FBN2: variants seen among roughly 807,000 people sequenced by gnomAD.
The protein encoded by FBN2 is fibrillin 2.
FBN2 carries 105 observed loss-of-function variants against 355.6 expected under a neutral mutation model. The observed-to-expected ratio is 0.30, with a 90% confidence interval of 0.25 to 0.35. FBN2 has a LOEUF of 0.35. Ranked by LOEUF, FBN2 falls within the 10% of genes least tolerant of loss-of-function variation. FBN2 has a pLI of 1.00. For missense variants in FBN2, 3,280 were observed against 3,758.7 expected (o/e 0.87, Z 3.33); for synonymous variants, 1,350 against 1,301.2 (o/e 1.04, Z -0.81).
At chr5:128,293,923 G>C (rs1003627253) in intron 48 of FBN2, among the ~76,000 whole-genome samples, 3 of 151,742 alleles carry the variant, frequency 2.0e-5, no homozygotes, top group Non-Finnish European at 4.4e-5. Flanking sequence ...TGCCATGCTG[G>C]TGTGCTGCAC....
chr5:128,349,283 C>T, intron 23 of FBN2, 64 bp downstream of exon 23: 4 of 1,604,710 alleles, frequency 2.5e-6, no homozygotes, highest in Non-Finnish European at 2.6e-6. Flanking sequence ...GGACTAGCCA[C>T]TGCTTAAACA....
Position 128,519,298 on chromosome 5 carries a change from C to T in FBN2, c.603G>A (p.Gly201=), listed in dbSNP as rs1756366760. The change falls in exon 5 of 65, where the codon GGG becomes GGA. Residue 201 remains glycine, a synonymous_variant. Transcript: ENST00000262464. ...IGPNRCACVY[G]FTGPQCERDY... is the part of the protein sequence containing the mutation. ...CTCTTTCACACTGTGGACCAGTGAACCCATAAACACAAGCACAGCGGTTGG... is the reference window on the plus strand; with the variant it reads ...CTCTTTCACACTGTGGACCAGTGAATCCATAAACACAAGCACAGCGGTTGG... 6.2e-7 allele frequency: 1 copy of T among 1,613,600 alleles called. No individual in the cohort carries two copies. Among genetic ancestry groups the T allele is most frequent in the East Asian group, 2.2e-5 (1 of 44,868 alleles).
intron 6 of FBN2, among the ~76,000 whole-genome samples, chr5:128,458,898 C>T (rs2127075820): frequency 6.6e-6 from 1 of 151,670 alleles, no homozygotes; most frequent in South Asian, 2.1e-4. Context: ...GTTAGAGAGG[C>T]AAGAGCAAAC....
At chr5:128,284,201 T>C (rs1489002760) in intron 55 of FBN2, among the ~76,000 whole-genome samples, 1 of 152,198 alleles carries the variant, frequency 6.6e-6, no homozygotes. Context: ...AAGGGTTTCA[T>C]GTGAATTTTT....
chr5:128,333,530 A>T (rs1164897720), intron 31 of FBN2, among the ~76,000 whole-genome samples: 2 of 152,182 alleles, frequency 1.3e-5, no homozygotes, highest in Non-Finnish European at 2.9e-5. Flanking sequence ...GTCATTTAAA[A>T]AATCAATATA....
chr5:128,334,936 CA>C lies in FBN2; in HGVS notation c.3974-93del. ...CTGAATAGCATAATACTGAAATACA[CA>C]GGCAAGATCTAAAATATAATCCATC... On this transcript the variant is annotated intron_variant, in intron 30 of 64. Transcript: ENST00000262464. 4.0e-6 allele frequency: 5 copies of C among 1,252,844 alleles called. No homozygotes were observed. In the South Asian group the frequency reaches 6.1e-5, roughly 15 times the overall value. 77.6% of individuals were successfully genotyped at this position (1,252,844 alleles called of 1,614,324 possible).
In FBN2 at chr5:128,291,565, C is replaced by T. The variant is rs1749323168; in HGVS notation, c.6256G>A (p.Gly2086Ser). ...CGTCCATTATCAGATAGTACAAAGC[C>T]AGGGGGGCAGAGGCACTGGAAGCCC... Reference protein sequence around the residue: ...PGGFQCLCPPGFVLSDNGRRC... With the variant: ...PGGFQCLCPPSFVLSDNGRRC... The change falls in exon 49 of 65, where the codon GGC (glycine) becomes AGC (serine). Residue 2086 changes from glycine to serine, a missense_variant. By Grantham distance (56) the Gly-to-Ser change is moderately conservative. This residue lies in a region of FBN2 where 2,284 missense variants were observed against 2,749.5 expected (regional missense o/e 0.83). Coordinates refer to ENST00000262464, the MANE Select transcript of FBN2 (RefSeq NM_001999.4). 6.2e-7 allele frequency: 1 copy of T among 1,613,968 alleles called. No individual in the cohort carries two copies. The highest frequency in any genetic ancestry group is 1.3e-5 in the African/African-American group (1 of 75,010).
chr5:128,534,696 G>A (rs1756800497), intron 2 of FBN2, among the ~76,000 whole-genome samples: 1 of 152,162 alleles, frequency 6.6e-6, no homozygotes. Flanking sequence ...TTTCAAAGCT[G>A]ATTTTCTACC....
At chr5:128,305,223 G>A (rs995121195) in intron 44 of FBN2, 141 bp from the exon 45 acceptor site, 3 of 867,396 alleles carry the variant, frequency 3.5e-6, no homozygotes, top group Admixed American at 2.2e-5. Context: ...GAATCAAAAT[G>A]AGCAGGACTT....
intron 5 of FBN2, among the ~76,000 whole-genome samples, chr5:128,470,802 T>C (rs532150292): frequency 5.9e-5 from 9 of 152,028 alleles, no homozygotes; most frequent in African/African-American, 2.2e-4. Context: ...TATGTGACTG[T>C]CAGTGGAATG....
intron 33 of FBN2, among the ~76,000 whole-genome samples, chr5:128,330,128 C>A (rs1750653097): frequency 6.6e-6 from 1 of 152,090 alleles, no homozygotes; most frequent in Non-Finnish European, 1.5e-5. Context: ...TTTTCCCATG[C>A]CATTCATTTA....
At position 128,446,582 on chromosome 5, in the gene FBN2, G is replaced by C; in HGVS notation, c.851C>G (p.Pro284Arg). 6.2e-7 allele frequency: 1 copy of C among 1,613,672 alleles called. No homozygotes were observed. Among genetic ancestry groups the C allele is most frequent in the Non-Finnish European group, 8.5e-7 (1 of 1,179,712 alleles). ...ACAGTTTCCTCCTTGGCATATCCCT[G>C]GGATAGCCTGGCATTCATCAACATC... The part of the protein sequence containing the change: ...CQDVDECQAI[P>R]GICQGGNCIN... Residue 284 changes from proline to arginine, a missense_variant, in exon 7 of 65, where the codon CCA (proline) becomes CGA (arginine). Pro to Arg is a moderately radical substitution (Grantham distance 103). Coordinates refer to ENST00000262464, the MANE Select transcript of FBN2 (RefSeq NM_001999.4).
chr5:128,365,375 C>A (rs754715158), intron 17 of FBN2: 1 of 152,112 alleles, frequency 6.6e-6, no homozygotes, highest in Non-Finnish European at 1.5e-5. Flanking sequence ...GCTGGCTCTG[C>A]TGGAAAGGCT....
At chr5:128,534,628 A>T (rs1756798339) in intron 2 of FBN2, among the ~76,000 whole-genome samples, 1 of 152,188 alleles carries the variant, frequency 6.6e-6, no homozygotes, top group Non-Finnish European at 1.5e-5. Flanking sequence ...GCTCATAACC[A>T]TCCAAATATT....
intron 19 of FBN2, among the ~76,000 whole-genome samples, chr5:128,358,817 G>C (rs1219211167): frequency 6.6e-6 from 1 of 151,904 alleles, no homozygotes; most frequent in Non-Finnish European, 1.5e-5. Context: ...CCTGAAAAAA[G>C]AAGAATTTCA....
chr5:128,506,906 A>T (rs1280870863), intron 5 of FBN2, among the ~76,000 whole-genome samples: 1 of 152,126 alleles, frequency 6.6e-6, no homozygotes. Context: ...GTGAAACACG[A>T]TGTTTTTTAA....
chr5:128,273,694 A>G, intron 61 of FBN2, 146 bp downstream of exon 61: 1 of 806,216 alleles, frequency 1.2e-6, no homozygotes, highest in African/African-American at 1.7e-5. Flanking sequence ...ATACATAGAA[A>G]TTTATGACCA....
At position 128,378,898 on chromosome 5, in the gene FBN2, C is replaced by G. The variant is rs1245406523; in HGVS notation, c.1604-8G>C. ...ATGTGCATTCATCAACATCTGTGAG[C>G]AGCAAAAGAAACCATTATAGACTTC... On this transcript the variant is annotated splice_region_variant and splice_polypyrimidine_tract_variant and intron_variant, in intron 11 of 64. Coordinates refer to ENST00000262464, the MANE Select transcript of FBN2 (RefSeq NM_001999.4). 6.2e-7 allele frequency: 1 copy of G among 1,612,844 alleles called. No individual in the cohort carries two copies. The highest frequency in any genetic ancestry group is 2.2e-5 in the East Asian group (1 of 44,818).
chr5:128,290,929 C>G (rs1230952515), intron 49 of FBN2, 45 bp from the exon 50 acceptor site: 1 of 1,561,762 alleles, frequency 6.4e-7, no homozygotes. Flanking sequence ...TTTTGTAACA[C>G]TGTTTGGACA....
Sources: allele counts gnomAD v4.1 joint callset (sites outside exome capture counted in the v4.1 genomes callset), GRCh38; gene constraint gnomAD v4.1.1; regional missense constraint gnomAD v4.1.1; transcripts MANE v1.5; gene names NCBI Gene and HGNC (gene_info 2026-07-23, HGNC 2026-07-21).